MDGA1: variants seen among roughly 807,000 people sequenced by gnomAD.
MDGA1 encodes the protein MAM domain containing glycosylphosphatidylinositol anchor 1.
In MDGA1, 54 loss-of-function variants were observed where a neutral mutation model predicts 101.5. The observed-to-expected ratio is 0.53, with a 90% CI of 0.43 to 0.67. The LOEUF is 0.67. Among genes scored for constraint, MDGA1 ranks in the 30% least tolerant of loss-of-function variants. The pLI is 0.00. For missense variants in MDGA1, 1,083 were observed against 1,323.8 expected, an observed-to-expected ratio of 0.82 and a Z score of 2.82; for synonymous variants, 533 against 558.3, an observed-to-expected ratio of 0.95 and a Z score of 0.64.
chr6:37,653,818 T>A (rs932067721), intron 6 of MDGA1, among the ~76,000 whole-genome samples: 1 of 152,208 alleles, frequency 6.6e-6, no homozygotes, highest in African/African-American at 2.4e-5. Flanking sequence ...AATACTTCCC[T>A]AATAAATATT....
In MDGA1 at chr6:37,647,271, G is replaced by A; in HGVS notation, c.1948C>T (p.His650Tyr). ...YFDTPNPTRSHKLSKNYSYVL... is the reference protein window; with the variant it reads ...YFDTPNPTRSYKLSKNYSYVL... Reference sequence around the variant, plus strand: ...TAGGAGTAGTTCTTGGACAGCTTGTGGCTGCGGGTGGGGTTGGGGGTGTCG... The same window carrying A: ...TAGGAGTAGTTCTTGGACAGCTTGTAGCTGCGGGTGGGGTTGGGGGTGTCG... Residue 650 changes from histidine (H) to tyrosine (Y), a missense_variant, in exon 10 of 17, where the codon CAC (histidine) becomes TAC (tyrosine). Physicochemically the swap from His to Tyr is moderately conservative, Grantham distance 83 (BLOSUM62 2). Coordinates refer to ENST00000434837, the MANE Select transcript of MDGA1 (RefSeq NM_153487.4). The A allele has an allele frequency of 6.4e-7, 1 of 1,562,242 alleles. No homozygotes were observed.
chr6:37,646,726 C>T (rs1761209114), intron 10 of MDGA1, among the ~76,000 whole-genome samples: 1 of 152,190 alleles, frequency 6.6e-6, no homozygotes, highest in Admixed American at 6.5e-5. Flanking sequence ...TACCCTCCCA[C>T]CAATCACCTC....
At chr6:37,651,632 A>G (rs547816458) in intron 7 of MDGA1, among the ~76,000 whole-genome samples, 39 of 151,940 alleles carry the variant, frequency 2.6e-4, no homozygotes, top group Admixed American at 5.2e-4. Context: ...AAGACATTCC[A>G]ACTCCCAAGC....
chr6:37,686,204 AGCCGACAGGCCTGCCTTTTAAAG>A (rs1762193602), intron 1 of MDGA1, among the ~76,000 whole-genome samples: 2 of 152,196 alleles, frequency 1.3e-5, no homozygotes, highest in Non-Finnish European at 2.9e-5. Flanking sequence ...CAGCAGACTC[AGCCGACAGGCCTGCCTTTTAAAG>A]GTTCCTGCTG....
intron 1 of MDGA1, among the ~76,000 whole-genome samples, chr6:37,694,086 C>T (rs1003310951): frequency 4.6e-5 from 7 of 152,164 alleles, no homozygotes; most frequent in African/African-American, 1.7e-4. Flanking sequence ...CAGCCCCTCC[C>T]TTATCCACAC....
intron 2 of MDGA1, among the ~76,000 whole-genome samples, chr6:37,659,427 T>C (rs1028461807): frequency 6.6e-6 from 1 of 152,208 alleles, no homozygotes; most frequent in Non-Finnish European, 1.5e-5. Flanking sequence ...ATTTCTATTA[T>C]TATTAATATT....
In MDGA1 at chr6:37,644,516, G is replaced by A. The variant is rs574402777; in HGVS notation, c.2382C>T (p.Asp794=). 4 of 1,590,136 alleles carry A rather than the reference G, an allele frequency of 2.5e-6. No homozygotes were observed. In the South Asian group the frequency reaches 3.4e-5, roughly 14 times the overall value. Residue 794 remains aspartate (D), a synonymous_variant, in exon 13 of 17, where the codon GAC becomes GAT. Transcript: ENST00000434837. ...KRSPNTGPPT[D]ISGTPEGYYM... ...CCTCACCCTCAGGGGTGCCACTTAT[G>A]TCGGTGGGGGGACCAGTGTTGGGGG...
Position 37,655,234 on chromosome 6 carries a change from T to C in MDGA1, c.580-302A>G. ...GGAAACGGAGGGGTAAGAAGGGAAC[T>C]TACTCGTACAACCCACACAAACATG... is the stretch of plus-strand genomic sequence containing the variant. On this transcript the variant is annotated intron_variant, in intron 4 of 16. Coordinates refer to ENST00000434837, the MANE Select transcript of MDGA1 (RefSeq NM_153487.4). This position sits in a 1 kb window ranked among gnomAD's most constrained non-coding sequence, Gnocchi z 5.1. 2.2e-6 allele frequency: 1 copy of C among 451,486 alleles called. No individual in the cohort carries two copies. The highest frequency in any genetic ancestry group is 4.0e-6 in the Non-Finnish European group (1 of 251,430). 28.0% of individuals were successfully genotyped at this position (451,486 alleles called of 1,614,324 possible).
intron 1 of MDGA1, among the ~76,000 whole-genome samples, chr6:37,668,839 T>C (rs1761810562): frequency 6.6e-6 from 1 of 151,304 alleles, no homozygotes; most frequent in Admixed American, 6.6e-5. Context: ...TTTTCTCTCT[T>C]TCTCTCTCTC....
In MDGA1 at chr6:37,637,024, T is replaced by C. The variant is rs1763943029; in HGVS notation, c.*344A>G. ...ACGAGTGCAGCAAGGACAAGGCCTA[T>C]GTTGCGCCGAGGTCCCTGGGTTGGC... On this transcript the variant is annotated 3_prime_UTR_variant, in exon 17 of 17. Coordinates refer to ENST00000434837, the MANE Select transcript of MDGA1 (RefSeq NM_153487.4). 1 of 209,830 alleles carries C rather than the reference T, an allele frequency of 4.8e-6. No homozygotes were observed. Among genetic ancestry groups the C allele is most frequent in the Non-Finnish European group, 9.6e-6 (1 of 104,402 alleles). 13.0% of individuals were successfully genotyped at this position (209,830 alleles called of 1,614,324 possible). A position where few individuals can be genotyped will look rare whatever the true frequency, so the allele number is the denominator to read the frequency against.
intron 1 of MDGA1, among the ~76,000 whole-genome samples, chr6:37,674,176 C>A (rs1235441978): frequency 6.6e-6 from 1 of 152,154 alleles, no homozygotes; most frequent in African/African-American, 2.4e-5. Context: ...TCATCAAAAC[C>A]AAACCCATAT....
chr6:37,670,566 A>C (rs1028868426), intron 1 of MDGA1, among the ~76,000 whole-genome samples: 2 of 152,224 alleles, frequency 1.3e-5, no homozygotes, highest in Non-Finnish European at 2.9e-5. Context: ...AAACTCATGT[A>C]AAGTGTTTAA....
chr6:37,673,205 G>A (rs976283542), intron 1 of MDGA1, among the ~76,000 whole-genome samples: 1 of 152,098 alleles, frequency 6.6e-6, no homozygotes, highest in Non-Finnish European at 1.5e-5. Flanking sequence ...CTTCGCAAGT[G>A]CCTAGCCCAG....
rs537378490 is a variant in MDGA1 at position 37,673,635 on chromosome 6, T to C, written c.68-9529A>G. Among the ~76,000 whole-genome samples the C allele has an allele frequency of 3.2e-4, 49 of 152,064 alleles. 1 individual carries two copies. The highest frequency in any genetic ancestry group is 5.7e-4 in the Non-Finnish European group (39 of 68,022). On this transcript the variant is annotated intron_variant, in intron 1 of 16. Transcript: ENST00000434837. ...CACTGCATCGGGAGTTGCTCTGCCC[T>C]TACCACAGCCCCGCTCTCTGCAGAG...
Position 37,649,215 on chromosome 6 carries a change from C to T in MDGA1, c.1661G>A (p.Arg554Gln). The stretch of plus-strand genomic sequence containing the variant: ...CAGCGAGCAGCGCAGGAGCACGGGC[C>T]GGCCCAGCGCCTGGCGCACGTCCTG... ...SSQDVRQALG[R>Q]PVLLRCSLLR... Residue 554 changes from arginine (R) to glutamine (Q), a missense_variant, in exon 9 of 17, where the codon CGG (arginine) becomes CAG (glutamine). Arg to Gln is a conservative substitution (Grantham distance 43). This residue lies in a region of MDGA1 where 657 missense variants were observed against 771.4 expected (regional missense o/e 0.85). Coordinates refer to ENST00000434837, the MANE Select transcript of MDGA1 (RefSeq NM_153487.4). The T allele has an allele frequency of 6.6e-7, 1 of 1,508,936 alleles. No homozygotes were observed. The highest frequency in any genetic ancestry group is 8.8e-7 in the Non-Finnish European group (1 of 1,136,578). 93.5% of individuals were successfully genotyped at this position (1,508,936 alleles called of 1,614,324 possible). A position where few individuals can be genotyped will look rare whatever the true frequency, so the allele number is the denominator to read the frequency against.
intron 1 of MDGA1, among the ~76,000 whole-genome samples, chr6:37,688,256 T>C (rs1762238671): frequency 6.6e-6 from 1 of 152,244 alleles, no homozygotes. Context: ...GATGCCTTGA[T>C]GCCACCTGCA....
At chr6:37,639,521 G>C (rs1764014717) in intron 14 of MDGA1, 1 of 152,260 alleles carries the variant, frequency 6.6e-6, no homozygotes, top group African/African-American at 2.4e-5. Context: ...GGCGCTGTCA[G>C]CTTCTCTGAT....
In MDGA1 at chr6:37,682,314, G is replaced by T. The variant is rs59720426; in HGVS notation, c.67+14431C>A. 1.7e-4 allele frequency among the ~76,000 whole-genome samples: 26 copies of T among 152,264 alleles called. No homozygotes were observed. The East Asian group carries it at 4.8e-3, about 28-fold the overall frequency. ...AGCCTGGCCAACATAGCGAAACCCGGTCTCTACTAGAAATACAAAATTAGC... is the reference window on the plus strand; with the variant it reads ...AGCCTGGCCAACATAGCGAAACCCGTTCTCTACTAGAAATACAAAATTAGC... On this transcript the variant is annotated intron_variant, in intron 1 of 16. Coordinates refer to ENST00000434837, the MANE Select transcript of MDGA1 (RefSeq NM_153487.4).
chr6:37,647,195 T>A lies in MDGA1; in HGVS notation c.2024A>T (p.Asn675Ile), dbSNP rs369663106. 5 of 1,598,198 alleles carry A rather than the reference T, an allele frequency of 3.1e-6. No homozygotes were observed. The highest frequency in any genetic ancestry group is 1.1e-5 in the South Asian group (1 of 87,934). The change falls in exon 10 of 17, where the codon AAC becomes ATC. Residue 675 changes from asparagine to isoleucine, a missense_variant. Transcript: ENST00000434837. ...CACCTGGCGGATGCTGAGTCTGTAG[T>A]TGAGCACAGGGTCGACAGCGTCGGG... ...REPDAVDPVL[N>I]YRLSIRQLNQ...
Sources: gnomAD v4.1 joint callset for allele counts (sites outside exome capture counted in the v4.1 genomes callset) on GRCh38, gnomAD v4.1.1 for gene constraint, gnomAD v4.1.1 regional missense constraint, Gnocchi (gnomAD v3.1) non-coding constraint, MANE v1.5 for transcripts, NCBI Gene and HGNC (gene_info 2026-07-23, HGNC 2026-07-21) for gene names.